The following NAA40 variants were observed in gnomAD, a reference collection of about 807,000 sequenced individuals.
The protein encoded by NAA40 is N-alpha-acetyltransferase 40, NatD catalytic subunit.
A neutral mutation model predicts 36.6 loss-of-function variants in NAA40; 26 were observed. The observed-to-expected ratio is 0.71, with a 90% CI of 0.52 to 0.98. NAA40 has a LOEUF of 0.98. Among genes scored for constraint, NAA40 ranks in the 50% least tolerant of loss-of-function variants. The probability of loss-of-function intolerance (pLI) is 0.00; values close to 1 mark genes in which losing one functional copy is unlikely to be tolerated. For synonymous variants in NAA40, 129 were observed against 108.4 expected, an observed-to-expected ratio of 1.19 and a Z score of -1.18; for missense variants, 237 against 306.5, an observed-to-expected ratio of 0.77 and a Z score of 1.69.
chr11:63,943,622 T>C (rs1565169955), intron 1 of NAA40, among the ~76,000 whole-genome samples: 1 of 152,092 alleles, frequency 6.6e-6, no homozygotes, highest in Non-Finnish European at 1.5e-5. Flanking sequence ...CTCAGTTTCC[T>C]ATTGTGTAAA....
chr11:63,945,762 C>T, intron 1 of NAA40, 78 bp from the exon 2 acceptor site: 2 of 1,243,630 alleles, frequency 1.6e-6, no homozygotes, highest in Non-Finnish European at 2.4e-6. Context: ...GATGCAGGGC[C>T]CTTCGATTCC....
At chr11:63,948,809 C>T (rs1160211375) in intron 3 of NAA40, among the ~76,000 whole-genome samples, 1 of 152,124 alleles carries the variant, frequency 6.6e-6, no homozygotes, top group Admixed American at 6.5e-5. Context: ...ATCCTCCCAC[C>T]TCGGCCTCCT....
intron 1 of NAA40, among the ~76,000 whole-genome samples, chr11:63,942,555 T>C (rs550140189): frequency 4.6e-5 from 7 of 152,332 alleles, no homozygotes; most frequent in Non-Finnish European, 8.8e-5. Flanking sequence ...CACTCTCTTT[T>C]TTTGTACAAA....
intron 1 of NAA40, 55 bp from the exon 2 acceptor site, chr11:63,945,785 T>G (rs1453233893): frequency 6.1e-6 from 9 of 1,484,668 alleles, no homozygotes; most frequent in Admixed American, 3.3e-5. Context: ...AAAGGGAAAG[T>G]CAGTGCTTGA....
chr11:63,943,633 G>A lies in NAA40; in HGVS notation c.7-2207G>A, dbSNP rs565813386. Among the ~76,000 whole-genome samples the A allele has an allele frequency of 7.2e-5, 11 of 152,202 alleles. No individual in the cohort carries two copies. The South Asian group carries it at 2.1e-3, about 29-fold the overall frequency. ...AAGGCTCAGTTTCCTATTGTGTAAA[G>A]GGAAGTGATAGTTTCTGCCCTGATA... On this transcript the variant is annotated intron_variant, in intron 1 of 7. Transcript: ENST00000377793.
In NAA40 at chr11:63,954,555, G is replaced by A. The variant is rs1187633393; in HGVS notation, c.*76G>A. Reference sequence around the variant, plus strand: ...CTTTCCTGGTCTCACTGTTCACCGGGTGTCCTCAGAGCTGTGGCCTCCCCA... The same window carrying A: ...CTTTCCTGGTCTCACTGTTCACCGGATGTCCTCAGAGCTGTGGCCTCCCCA... On this transcript the variant is annotated 3_prime_UTR_variant, in exon 8 of 8. Transcript: ENST00000377793. 6 of 1,489,804 alleles carry A rather than the reference G, an allele frequency of 4.0e-6. No individual in the cohort carries two copies. The highest frequency in any genetic ancestry group is 4.5e-5 in the Admixed American group (2 of 44,372). The allele number at this position is 1,489,804 out of a possible 1,614,324, so 92.3% of individuals were successfully genotyped here.
intron 3 of NAA40, among the ~76,000 whole-genome samples, chr11:63,951,891 TG>T (rs1942283985): frequency 6.6e-6 from 1 of 151,912 alleles, no homozygotes; most frequent in South Asian, 2.1e-4. Context: ...AAGACATGAG[TG>T]TTTATAACAA....
At position 63,956,140 on chromosome 11, in the gene NAA40, A is replaced by C. The variant is rs1372428495; in HGVS notation, c.*1661A>C. On this transcript the variant is annotated 3_prime_UTR_variant, in exon 8 of 8. Transcript: ENST00000377793. The stretch of plus-strand genomic sequence containing the variant: ...TTGATGGGCAGCAGTGGGACTGGGA[A>C]CTCCTTAGAGAGGGCCTTGCAGCTT... The C allele has an allele frequency of 6.6e-6, 1 of 152,626 alleles. No individual in the cohort carries two copies. Among genetic ancestry groups the C allele is most frequent in the African/African-American group, 2.4e-5 (1 of 41,408 alleles). The allele number at this position is 152,626 out of a possible 1,614,324, so 9.5% of individuals were successfully genotyped here.
chr11:63,946,103 G>A, intron 2 of NAA40, 168 bp downstream of exon 2: 1 of 626,610 alleles, frequency 1.6e-6, no homozygotes, highest in Non-Finnish European at 2.8e-6. Context: ...GTTGGAAGTT[G>A]GCGCCAGCAG....
rs372097226 is a variant in NAA40 at position 63,947,144 on chromosome 11, C to T, written c.155+141C>T. Reference sequence around the variant, plus strand: ...AAACAGGGCTGGGTGCGGTGGCTCACGCCTGTAATCCAAGCACTTTGGGAG... The same window carrying T: ...AAACAGGGCTGGGTGCGGTGGCTCATGCCTGTAATCCAAGCACTTTGGGAG... On this transcript the variant is annotated intron_variant, in intron 3 of 7. Coordinates refer to ENST00000377793, the MANE Select transcript of NAA40 (RefSeq NM_024771.4). 1.7e-4 allele frequency: 142 copies of T among 852,282 alleles called. No individual in the cohort carries two copies. The African/African-American group carries it at 1.8e-3, about 11-fold the overall frequency. 52.8% of individuals were successfully genotyped at this position (852,282 alleles called of 1,614,324 possible).
chr11:63,952,027 G>A, intron 3 of NAA40: 1 of 538,376 alleles, frequency 1.9e-6, no homozygotes, highest in East Asian at 2.9e-5. Context: ...TTGTGGTTGG[G>A]GGGTGGGCCG....
At chr11:63,944,066 G>A (rs1282117054) in intron 1 of NAA40, among the ~76,000 whole-genome samples, 1 of 152,184 alleles carries the variant, frequency 6.6e-6, no homozygotes, top group Non-Finnish European at 1.5e-5. Context: ...GCTGGTGTTG[G>A]TAGAGTTTGT....
Position 63,954,661 on chromosome 11 carries a change from G to A in NAA40, c.*182G>A. The A allele has an allele frequency of 1.1e-5, 6 of 546,364 alleles. No homozygotes were observed. The highest frequency in any genetic ancestry group is 1.8e-5 in the Non-Finnish European group (6 of 338,440). The allele number at this position is 546,364 out of a possible 1,614,324, so 33.8% of individuals were successfully genotyped here. The stretch of plus-strand genomic sequence containing the variant: ...ATCAGCTGCTCCTCCTCTCCTAGGA[G>A]ACCAGAGTGCTAGAAGGGAATGAAA... On this transcript the variant is annotated 3_prime_UTR_variant, in exon 8 of 8. Coordinates refer to ENST00000377793, the MANE Select transcript of NAA40 (RefSeq NM_024771.4).
chr11:63,946,046 C>A, intron 2 of NAA40, 111 bp downstream of exon 2: 1 of 889,636 alleles, frequency 1.1e-6, no homozygotes, highest in African/African-American at 1.7e-5. Flanking sequence ...CCCACCCACA[C>A]CGCCTCTGCC....
intron 3 of NAA40, among the ~76,000 whole-genome samples, chr11:63,948,484 C>G (rs772156911): frequency 1.0e-4 from 15 of 150,182 alleles, no homozygotes; most frequent in African/African-American, 3.7e-4. Context: ...TTTGGGAGGC[C>G]GAGGTGGGCG....
intron 1 of NAA40, chr11:63,939,444 G>T: frequency 9.2e-7 from 1 of 1,092,392 alleles, no homozygotes; most frequent in Non-Finnish European, 1.1e-6. Context: ...CTCATCACCT[G>T]GCTGTCACCA....
rs768685468 is a variant in NAA40, at chr11:63,952,324, T to G, written c.242T>G (p.Met81Arg). The change falls in exon 4 of 8, where the codon ATG becomes AGG. Residue 81 changes from methionine to arginine, a missense_variant. Met to Arg is a moderately conservative substitution (Grantham distance 91, BLOSUM62 -1). Transcript: ENST00000377793. ...GCCTTCGACCTGACCAAAACGAATA[T>G]GCAAACCATGTAAGCTTGTCCCAAC... ...DWAFDLTKTN[M>R]QTMYEQSEWG... 1.2e-6 allele frequency: 2 copies of G among 1,613,894 alleles called. No homozygotes were observed. Among genetic ancestry groups the G allele is most frequent in the Non-Finnish European group, 8.5e-7 (1 of 1,179,862 alleles).
intron 1 of NAA40, among the ~76,000 whole-genome samples, chr11:63,940,542 T>A (rs989663432): frequency 4.6e-5 from 7 of 152,038 alleles, no homozygotes. Context: ...GTAGTGAAGA[T>A]TAAGTGAGAT....
intron 1 of NAA40, among the ~76,000 whole-genome samples, chr11:63,942,600 T>A (rs1323442072): frequency 6.6e-6 from 1 of 152,230 alleles, no homozygotes; most frequent in Admixed American, 6.5e-5. Flanking sequence ...CACAGTGAGC[T>A]TTACTGTTCA....
Sources: gnomAD v4.1 joint callset for allele counts (sites outside exome capture counted in the v4.1 genomes callset) on GRCh38, gnomAD v4.1.1 for gene constraint, MANE v1.5 for transcripts, NCBI Gene and HGNC (gene_info 2026-07-23, HGNC 2026-07-21) for gene names.